NDST4: variants seen among roughly 807,000 people sequenced by gnomAD.
NDST4 encodes the protein N-heparan sulfate sulfotransferase 4.
Under a neutral mutation model 100.8 loss-of-function variants are expected in NDST4, and 63 were observed. That is an observed-to-expected ratio of 0.62 (90% confidence interval 0.51 to 0.77). The LOEUF is 0.77. NDST4 is among the 30% of genes least tolerant of loss of function. NDST4 has a pLI of 0.00. For missense variants in NDST4, 943 were observed against 1,018.4 expected (o/e 0.93, Z 1.01); for synonymous variants, 377 against 361.8 (o/e 1.04, Z -0.48).
chr4:115,007,596 G>GT (rs2126258888), intron 2 of NDST4, among the ~76,000 whole-genome samples: 1 of 67,290 alleles, frequency 1.5e-5, no homozygotes, highest in South Asian at 7.4e-4. Flanking sequence ...AAGCTGGAAT[G>GT]ATGATACAAC....
At chr4:114,852,955 C>G (rs1449715892) in intron 7 of NDST4, 134 bp from the exon 8 acceptor site, 5 of 545,864 alleles carry the variant, frequency 9.2e-6, no homozygotes, top group Non-Finnish European at 1.6e-5. Context: ...CTCTCGTTCT[C>G]TGGTTTCCAA....
At chr4:115,086,541 A>T (rs1729413428) in intron 1 of NDST4, among the ~76,000 whole-genome samples, 1 of 152,098 alleles carries the variant, frequency 6.6e-6, no homozygotes, top group Admixed American at 6.6e-5. Flanking sequence ...TGTCATTTCA[A>T]ACATAATGAT....
intron 4 of NDST4, among the ~76,000 whole-genome samples, chr4:114,961,335 G>C (rs765014803): frequency 2.0e-5 from 3 of 151,282 alleles, no homozygotes; most frequent in Non-Finnish European, 3.0e-5. Context: ...TAGAAGGAAA[G>C]AAATAATAAA....
intron 2 of NDST4, among the ~76,000 whole-genome samples, chr4:115,002,295 C>A (rs1002595283): frequency 2.6e-5 from 4 of 152,098 alleles, no homozygotes; most frequent in African/African-American, 9.7e-5. Context: ...ACATCAATGT[C>A]TTCTTTTGAG....
At chr4:114,890,449 A>G (rs1338131544) in intron 6 of NDST4, among the ~76,000 whole-genome samples, 2 of 152,100 alleles carry the variant, frequency 1.3e-5, no homozygotes, top group Non-Finnish European at 2.9e-5. Flanking sequence ...TTTATAGGAA[A>G]TACTCTAGGA....
chr4:114,985,200 T>C (rs1046729550), intron 2 of NDST4, among the ~76,000 whole-genome samples: 17 of 152,194 alleles, frequency 1.1e-4, no homozygotes, highest in Non-Finnish European at 1.6e-4. Flanking sequence ...AAAAACCTAG[T>C]GAGCCAAAGA....
At chr4:115,100,804 C>G (rs2126298010) in intron 1 of NDST4, among the ~76,000 whole-genome samples, 1 of 49,102 alleles carries the variant, frequency 2.0e-5, no homozygotes, top group African/African-American at 2.1e-4. Flanking sequence ...ATGCTTCACT[C>G]CTTTTTTTTT....
At chr4:114,928,164 T>C (rs971729289) in intron 6 of NDST4, among the ~76,000 whole-genome samples, 1 of 152,182 alleles carries the variant, frequency 6.6e-6, no homozygotes, top group Non-Finnish European at 1.5e-5. Flanking sequence ...GTGAAAGATA[T>C]GAAAATATTC....
chr4:114,900,716 C>T (rs1724818793), intron 6 of NDST4, among the ~76,000 whole-genome samples: 1 of 152,062 alleles, frequency 6.6e-6, no homozygotes, highest in African/African-American at 2.4e-5. Context: ...CACAAAATTA[C>T]CTAAAGATGC....
intron 2 of NDST4, among the ~76,000 whole-genome samples, chr4:115,042,995 T>C (rs1728386123): frequency 1.3e-5 from 2 of 152,014 alleles, no homozygotes; most frequent in African/African-American, 4.8e-5. Context: ...TAAAAATCTT[T>C]TGGTACTCTG....
At chr4:114,852,112 A>G (rs1723691289) in intron 8 of NDST4, among the ~76,000 whole-genome samples, 1 of 152,186 alleles carries the variant, frequency 6.6e-6, no homozygotes. Context: ...CTCATTGGTG[A>G]AATGCTTTCA....
intron 2 of NDST4, among the ~76,000 whole-genome samples, chr4:115,023,221 C>G (rs1727898943): frequency 6.6e-6 from 1 of 152,146 alleles, no homozygotes; most frequent in Non-Finnish European, 1.5e-5. Context: ...CGCAGTTGCT[C>G]ACATCTGTAA....
chr4:115,098,484 G>C (rs745991419), intron 1 of NDST4, among the ~76,000 whole-genome samples: 4 of 151,978 alleles, frequency 2.6e-5, no homozygotes, highest in South Asian at 2.1e-4. Flanking sequence ...AAAAGAACAC[G>C]CAAAGTATAT....
chr4:114,834,223 A>G (rs1723262327), intron 11 of NDST4, among the ~76,000 whole-genome samples: 2 of 152,088 alleles, frequency 1.3e-5, no homozygotes, highest in African/African-American at 4.8e-5. Context: ...TCAAAGGAAT[A>G]CTGGAAAAGG....
chr4:115,061,939 C>A (rs1277732724), intron 2 of NDST4, among the ~76,000 whole-genome samples: 1 of 151,790 alleles, frequency 6.6e-6, no homozygotes, highest in Non-Finnish European at 1.5e-5. Flanking sequence ...ATTAGTTAAT[C>A]ATATATTTTA....
At chr4:114,863,985 A>G (rs1180693874) in intron 7 of NDST4, among the ~76,000 whole-genome samples, 1 of 152,170 alleles carries the variant, frequency 6.6e-6, no homozygotes, top group Admixed American at 6.5e-5. Flanking sequence ...ATATCATACC[A>G]TTTACCTTAT....
rs565487547 is a variant in NDST4, at chr4:114,971,059, A to G, written c.1067-475T>C. ...CCCAAAAACAAACACAAAAACAACA[A>G]CAAAAAACCTGTAAGACCATCTTCT... On this transcript the variant is annotated intron_variant, in intron 3 of 13. Transcript: ENST00000264363. 3.3e-5 allele frequency among the ~76,000 whole-genome samples: 5 copies of G among 152,086 alleles called. No homozygotes were observed. In the South Asian group the frequency reaches 1.0e-3, roughly 32 times the overall value.
intron 2 of NDST4, among the ~76,000 whole-genome samples, chr4:115,045,088 C>T (rs1423716456): frequency 6.6e-6 from 1 of 151,984 alleles, no homozygotes; most frequent in Non-Finnish European, 1.5e-5. Flanking sequence ...GAATTCTACT[C>T]TTAGAAGAAC....
intron 4 of NDST4, among the ~76,000 whole-genome samples, chr4:114,940,341 A>G (rs1725721411): frequency 6.6e-6 from 1 of 152,204 alleles, no homozygotes; most frequent in Admixed American, 6.5e-5. Context: ...ACCATTTTTC[A>G]AAAATTAGAA....
Sources: gnomAD v4.1 joint callset for allele counts (sites outside exome capture counted in the v4.1 genomes callset) on GRCh38, gnomAD v4.1.1 for gene constraint, MANE v1.5 for transcripts, NCBI Gene and HGNC (gene_info 2026-07-23, HGNC 2026-07-21) for gene names.